The following SV2C variants were observed in gnomAD, a reference collection of about 807,000 sequenced individuals.
The protein encoded by SV2C is solute carrier family 22 member B3.
In SV2C, 49 loss-of-function variants were observed where a neutral mutation model predicts 79.7. That is an observed-to-expected ratio of 0.61 (90% confidence interval 0.49 to 0.78). The LOEUF (loss-of-function observed/expected upper bound fraction) is 0.78, where lower values mean the gene tolerates loss of function less well. SV2C is among the 30% of genes least tolerant of loss of function. The pLI, the probability that SV2C is intolerant of heterozygous loss-of-function variation, is 0.00. For missense variants in SV2C, 833 were observed against 912.9 expected, an observed-to-expected ratio of 0.91 and a Z score of 1.13; for synonymous variants, 334 against 333.2, an observed-to-expected ratio of 1.00 and a Z score of -0.03.
At chr5:76,182,879 G>A (rs1743781706) in intron 2 of SV2C, among the ~76,000 whole-genome samples, 1 of 151,974 alleles carries the variant, frequency 6.6e-6, no homozygotes, top group Admixed American at 6.6e-5. Flanking sequence ...TGAAGTGGGA[G>A]CAGGCACGCC....
chr5:75,953,873 C>G, the SV2C span, among the ~76,000 whole-genome samples: 4 of 151,946 alleles, frequency 2.6e-5, no homozygotes, highest in African/African-American at 9.7e-5. Flanking sequence ...TCACTTCCTA[C>G]TCCCCACTCC....
At chr5:76,272,000 A>G (rs1746884124) in intron 4 of SV2C, among the ~76,000 whole-genome samples, 1 of 152,196 alleles carries the variant, frequency 6.6e-6, no homozygotes, top group Admixed American at 6.5e-5. Flanking sequence ...CAAAAATGAC[A>G]AAACTCTAAG....
chr5:76,253,857 G>A (rs938545855), intron 4 of SV2C, among the ~76,000 whole-genome samples: 2 of 152,010 alleles, frequency 1.3e-5, no homozygotes, highest in African/African-American at 4.8e-5. Flanking sequence ...TTATCTCCAT[G>A]TATTATGAGA....
chr5:75,912,584 A>G, the SV2C span, among the ~76,000 whole-genome samples: 1 of 152,218 alleles, frequency 6.6e-6, no homozygotes, highest in Admixed American at 6.5e-5. Context: ...CAACTATTGG[A>G]GCAAGTATAA....
intron 4 of SV2C, among the ~76,000 whole-genome samples, chr5:76,265,913 C>G: frequency 6.6e-6 from 1 of 152,154 alleles, no homozygotes; most frequent in Admixed American, 6.5e-5. Flanking sequence ...AGAACTGTTC[C>G]TATTTGGCCA....
the SV2C span, among the ~76,000 whole-genome samples, chr5:76,033,097 TG>T: frequency 2.0e-5 from 3 of 152,178 alleles, no homozygotes; most frequent in African/African-American, 4.8e-5. Flanking sequence ...TGGGGTTGTT[TG>T]TTTTTTTCTT....
chr5:75,940,952 A>G, the SV2C span, among the ~76,000 whole-genome samples: 1 of 152,166 alleles, frequency 6.6e-6, no homozygotes, highest in Non-Finnish European at 1.5e-5. Context: ...CCACATGTAA[A>G]ACTTAATTTA....
rs1480058132 is a variant in SV2C, at chr5:76,153,319, C to G, written c.580+20989C>G. Among the ~76,000 whole-genome samples, 6 of 152,176 alleles carry G rather than the reference C, an allele frequency of 3.9e-5. No individual in the cohort carries two copies. The East Asian group carries it at 1.2e-3, about 29-fold the overall frequency. On this transcript the variant is annotated intron_variant, in intron 2 of 12. Coordinates refer to ENST00000502798, the MANE Select transcript of SV2C (RefSeq NM_014979.4). Reference sequence around the variant, plus strand: ...CCACCCTACCCTTCCTGATATTGTACCTTCCTTCGGCCTTGGCAGCTCAGC... The same window carrying G: ...CCACCCTACCCTTCCTGATATTGTAGCTTCCTTCGGCCTTGGCAGCTCAGC...
the SV2C span, among the ~76,000 whole-genome samples, chr5:75,919,828 T>C: frequency 6.6e-6 from 1 of 152,246 alleles, no homozygotes; most frequent in Non-Finnish European, 1.5e-5. Context: ...TACAGCATTC[T>C]CATTGTCTTT....
At chr5:76,295,038 G>T (rs1448722294) in intron 8 of SV2C, among the ~76,000 whole-genome samples, 1 of 152,198 alleles carries the variant, frequency 6.6e-6, no homozygotes, top group African/African-American at 2.4e-5. Context: ...GAGTTTCTCA[G>T]AGCAGACTGG....
chr5:75,907,807 C>T, the SV2C span, among the ~76,000 whole-genome samples: 1 of 152,146 alleles, frequency 6.6e-6, no homozygotes, highest in African/African-American at 2.4e-5. Context: ...AACCAAAATA[C>T]CTAAATTGTT....
At chr5:76,289,715 A>G (rs551011231) in intron 6 of SV2C, among the ~76,000 whole-genome samples, 6 of 152,134 alleles carry the variant, frequency 3.9e-5, no homozygotes, top group Non-Finnish European at 8.8e-5. Context: ...TTCCCGGTGC[A>G]CTATTTTCCC....
chr5:75,934,298 CT>C, the SV2C span, among the ~76,000 whole-genome samples: 1 of 87,586 alleles, frequency 1.1e-5, no homozygotes, highest in Non-Finnish European at 2.2e-5. Context: ...TTTTTTCTTT[CT>C]TTCTTTTTTT....
chr5:76,123,826 GT>G (rs1254793442), intron 1 of SV2C, among the ~76,000 whole-genome samples: 4 of 152,146 alleles, frequency 2.6e-5, no homozygotes, highest in African/African-American at 9.7e-5. Flanking sequence ...TACTAAACTT[GT>G]GATAAAGTTC....
the SV2C span, among the ~76,000 whole-genome samples, chr5:76,059,487 CT>C: frequency 2.9e-4 from 44 of 149,170 alleles, no homozygotes; most frequent in Middle Eastern, 3.4e-3. Flanking sequence ...TGAAGAAATC[CT>C]TTTTTTTTTT....
chr5:76,094,652 A>C (rs898391014), intron 1 of SV2C, among the ~76,000 whole-genome samples: 22 of 152,170 alleles, frequency 1.4e-4, no homozygotes, highest in African/African-American at 4.8e-4. Context: ...TTTGCTATGT[A>C]ATGTAGTATT....
At chr5:76,066,427 A>G in the SV2C span, among the ~76,000 whole-genome samples, 1 of 121,892 alleles carries the variant, frequency 8.2e-6, no homozygotes, top group Non-Finnish European at 1.6e-5. Flanking sequence ...GAAAGGGAAC[A>G]TCACACACCG....
At chr5:75,901,866 C>A in the SV2C span, among the ~76,000 whole-genome samples, 1 of 152,222 alleles carries the variant, frequency 6.6e-6, no homozygotes, top group Non-Finnish European at 1.5e-5. Context: ...ATCAGTGAGA[C>A]TCCGTGGGCA....
chr5:76,229,589 T>C (rs7444555), intron 4 of SV2C, among the ~76,000 whole-genome samples: 101,883 of 152,142 alleles, frequency 0.67, 34,509 homozygotes, highest in African/African-American at 0.75. Context: ...GAAGTCTGAG[T>C]CTCCAAATTC....
Sources: allele counts gnomAD v4.1 joint callset (sites outside exome capture counted in the v4.1 genomes callset), GRCh38; gene constraint gnomAD v4.1.1; transcripts MANE v1.5; gene names NCBI Gene and HGNC (gene_info 2026-07-23, HGNC 2026-07-21).